Variants in CCSER1 observed in about 807,000 individuals in gnomAD.
The protein encoded by CCSER1 is coiled-coil serine rich protein 1.
A neutral mutation model predicts 82.0 loss-of-function variants in CCSER1; 41 were observed. The observed-to-expected ratio is 0.50, with a 90% confidence interval of 0.39 to 0.65. The LOEUF is 0.65. Among genes scored for constraint, CCSER1 ranks in the 30% least tolerant of loss-of-function variants. CCSER1 has a pLI of 0.00. For synonymous variants in CCSER1, 414 were observed against 383.9 expected, an observed-to-expected ratio of 1.08 and a Z score of -0.92; for missense variants, 1,119 against 1,064.2, an observed-to-expected ratio of 1.05 and a Z score of -0.72.
intron 1 of CCSER1, among the ~76,000 whole-genome samples, chr4:90,304,543 C>T (rs1733839995): frequency 6.6e-6 from 1 of 151,970 alleles, no homozygotes; most frequent in Non-Finnish European, 1.5e-5. Context: ...TAAACTATCA[C>T]AAGAACAAAA....
intron 10 of CCSER1, among the ~76,000 whole-genome samples, chr4:91,562,195 T>C (rs921366944): frequency 1.3e-5 from 2 of 151,586 alleles, no homozygotes; most frequent in Non-Finnish European, 3.0e-5. Flanking sequence ...TATTATAACA[T>C]TTTAAGATAT....
intron 10 of CCSER1, among the ~76,000 whole-genome samples, chr4:91,172,736 G>C (rs1732891332): frequency 6.6e-6 from 1 of 152,140 alleles, no homozygotes; most frequent in Non-Finnish European, 1.5e-5. Flanking sequence ...TCCTAGAAGA[G>C]TAGTGGGGGA....
At chr4:90,916,425 A>C (rs1052811922) in intron 8 of CCSER1, among the ~76,000 whole-genome samples, 2 of 152,148 alleles carry the variant, frequency 1.3e-5, no homozygotes, top group Non-Finnish European at 2.9e-5. Flanking sequence ...AGGATTCCCT[A>C]TTTAACAAAT....
chr4:90,783,757 G>T (rs1754116263), intron 7 of CCSER1, among the ~76,000 whole-genome samples: 1 of 152,092 alleles, frequency 6.6e-6, no homozygotes, highest in Admixed American at 6.5e-5. Context: ...TTACATAGAA[G>T]AAATAAAACT....
chr4:90,212,532 G>A (rs920328339), intron 1 of CCSER1, among the ~76,000 whole-genome samples: 1 of 151,910 alleles, frequency 6.6e-6, no homozygotes, highest in Admixed American at 6.6e-5. Flanking sequence ...CAGTTTTTAA[G>A]GAATACAAGA....
At chr4:90,822,188 G>A (rs766112315) in intron 8 of CCSER1, among the ~76,000 whole-genome samples, 2 of 152,158 alleles carry the variant, frequency 1.3e-5, no homozygotes, top group Non-Finnish European at 2.9e-5. Flanking sequence ...CCTAATTAAG[G>A]TTAGTAGACG....
chr4:90,148,551 G>C (rs1446984140), intron 1 of CCSER1, among the ~76,000 whole-genome samples: 1 of 152,148 alleles, frequency 6.6e-6, no homozygotes, highest in African/African-American at 2.4e-5. Context: ...TTCTTGGTTA[G>C]AGAGAAGGAT....
intron 10 of CCSER1, among the ~76,000 whole-genome samples, chr4:91,570,763 A>G (rs548758748): frequency 3.6e-4 from 55 of 152,286 alleles, no homozygotes; most frequent in African/African-American, 1.2e-3. Context: ...AAGGTCTCTG[A>G]CATGCCCTGG....
At chr4:90,587,126 C>T (rs983642924) in intron 5 of CCSER1, among the ~76,000 whole-genome samples, 8 of 152,098 alleles carry the variant, frequency 5.3e-5, no homozygotes, top group Non-Finnish European at 8.8e-5. Flanking sequence ...AAGAAATGTG[C>T]GGAGCATCGA....
chr4:90,285,742 T>A (rs1287173605), intron 1 of CCSER1, among the ~76,000 whole-genome samples: 1 of 152,016 alleles, frequency 6.6e-6, no homozygotes, highest in African/African-American at 2.4e-5. Flanking sequence ...GGGCTTTTAG[T>A]TTTTTCCCAT....
At chr4:91,539,591 C>T (rs1761484752) in intron 10 of CCSER1, among the ~76,000 whole-genome samples, 1 of 151,996 alleles carries the variant, frequency 6.6e-6, no homozygotes, top group Non-Finnish European at 1.5e-5. Flanking sequence ...TTTCCTAAAT[C>T]AGCATGTGGA....
At chr4:90,409,702 C>T (rs1057306731) in intron 4 of CCSER1, among the ~76,000 whole-genome samples, 1 of 152,102 alleles carries the variant, frequency 6.6e-6, no homozygotes, top group Non-Finnish European at 1.5e-5. Context: ...ACCATCAAGG[C>T]TAGGAAGAAA....
intron 6 of CCSER1, among the ~76,000 whole-genome samples, chr4:90,638,697 A>C (rs550283328): frequency 6.6e-6 from 1 of 152,274 alleles, no homozygotes; most frequent in South Asian, 2.1e-4. Flanking sequence ...AAAATAGATG[A>C]GGAGAGGAGG....
chr4:90,151,754 CAGTT>C (rs1220104596), intron 1 of CCSER1, among the ~76,000 whole-genome samples: 3 of 152,038 alleles, frequency 2.0e-5, no homozygotes, highest in Admixed American at 1.3e-4. Flanking sequence ...TTTAAGCACT[CAGTT>C]ATTTAGTATT....
At chr4:91,243,781 G>T (rs1166549214) in intron 10 of CCSER1, among the ~76,000 whole-genome samples, 1 of 152,166 alleles carries the variant, frequency 6.6e-6, no homozygotes, top group African/African-American at 2.4e-5. Context: ...GGAGTATGTG[G>T]TGGGCCTTTG....
intron 7 of CCSER1, among the ~76,000 whole-genome samples, chr4:90,733,007 T>G (rs1380769876): frequency 6.6e-6 from 1 of 152,226 alleles, no homozygotes; most frequent in Non-Finnish European, 1.5e-5. Context: ...TGCAGATATC[T>G]CTTCAATACA....
At chr4:91,328,458 A>G (rs1746719417) in intron 10 of CCSER1, among the ~76,000 whole-genome samples, 1 of 152,212 alleles carries the variant, frequency 6.6e-6, no homozygotes, top group East Asian at 1.9e-4. Flanking sequence ...GCAAAGGAGA[A>G]GTCTGCCCCC....
intron 10 of CCSER1, among the ~76,000 whole-genome samples, chr4:91,387,083 A>G (rs534787818): frequency 6.6e-6 from 1 of 152,202 alleles, no homozygotes; most frequent in Admixed American, 6.6e-5. Context: ...TTGATAGATT[A>G]AATGAAAATA....
chr4:91,158,588 G>A (rs1581670969), intron 10 of CCSER1, among the ~76,000 whole-genome samples: 1 of 151,594 alleles, frequency 6.6e-6, no homozygotes. Flanking sequence ...GGAAAATTGG[G>A]AAATTTAAAA....
Sources: allele counts gnomAD v4.1 joint callset (sites outside exome capture counted in the v4.1 genomes callset), GRCh38; gene constraint gnomAD v4.1.1; transcripts MANE v1.5; gene names NCBI Gene and HGNC (gene_info 2026-07-23, HGNC 2026-07-21).